The following PTPRN2 variants were observed in gnomAD, a reference collection of about 807,000 sequenced individuals.
PTPRN2 encodes the protein protein tyrosine phosphatase receptor type N2, also known as receptor-type tyrosine-protein phosphatase N2.
A neutral mutation model predicts 118.8 loss-of-function variants in PTPRN2; 74 were observed. The observed-to-expected ratio is 0.62, with a 90% CI of 0.52 to 0.76. The LOEUF (loss-of-function observed/expected upper bound fraction) is 0.76. Among genes scored for constraint, PTPRN2 ranks in the 30% least tolerant of loss-of-function variants. The probability of loss-of-function intolerance (pLI) is 0.00; values close to 1 mark genes in which losing one functional copy is unlikely to be tolerated. For missense variants in PTPRN2, 1,481 were observed against 1,394.4 expected (o/e 1.06, Z -0.99); for synonymous variants, 641 against 608.0 (o/e 1.05, Z -0.80).
intron 12 of PTPRN2, among the ~76,000 whole-genome samples, chr7:157,867,432 G>A (rs1350660846): frequency 1.8e-5 from 2 of 111,142 alleles, no homozygotes; most frequent in African/African-American, 3.7e-5. Flanking sequence ...CTGGATACAC[G>A]GCCACCACCC....
chr7:158,154,375 G>T (rs1821506595), intron 6 of PTPRN2, among the ~76,000 whole-genome samples: 1 of 152,200 alleles, frequency 6.6e-6, no homozygotes. Flanking sequence ...TATAGTAAGT[G>T]TGTTGTCTAC....
chr7:157,568,821 C>A lies in PTPRN2; in HGVS notation c.2902+81G>T, dbSNP rs564096944. 2.1e-6 allele frequency: 3 copies of A among 1,434,204 alleles called. No individual in the cohort carries two copies. The Admixed American group carries it at 5.1e-5, about 24-fold the overall frequency. 88.8% of individuals were successfully genotyped at this position (1,434,204 alleles called of 1,614,324 possible). A position where few individuals can be genotyped will look rare whatever the true frequency, so the allele number is the denominator to read the frequency against. On this transcript the variant is annotated intron_variant, in intron 21 of 22. Coordinates refer to ENST00000389418, the MANE Select transcript of PTPRN2 (RefSeq NM_002847.5). ...GCAGCGAATTTTTTCCAGGGCCTCC[C>A]GTGAACACGGCACCCTACGTTGCCA...
chr7:158,333,119 C>T (rs1359604567), intron 2 of PTPRN2, among the ~76,000 whole-genome samples: 2 of 115,564 alleles, frequency 1.7e-5, no homozygotes, highest in African/African-American at 8.2e-5. Flanking sequence ...GAAGTGACAC[C>T]TGCAGACATC....
intron 3 of PTPRN2, among the ~76,000 whole-genome samples, chr7:158,285,808 C>A (rs74566645): frequency 0.016 from 2,402 of 152,304 alleles, 63 homozygotes; most frequent in African/African-American, 0.055. Context: ...AGACAGGTGA[C>A]AACCCCATTC....
At chr7:157,693,050 AGAG>A (rs1225087300) in intron 12 of PTPRN2, among the ~76,000 whole-genome samples, 2 of 150,444 alleles carry the variant, frequency 1.3e-5, no homozygotes, top group Admixed American at 1.3e-4. Context: ...GGGCAGAGAC[AGAG>A]GAGGGGAGGG....
intron 12 of PTPRN2, among the ~76,000 whole-genome samples, chr7:157,855,460 T>A (rs1030675765): frequency 6.6e-6 from 1 of 152,162 alleles, no homozygotes. Flanking sequence ...AAACGCTGAG[T>A]GGTGCCGCTT....
rs1829065460 is a variant in PTPRN2 at position 158,587,702 on chromosome 7, G to A, written c.-33C>T. The A allele has an allele frequency of 2.5e-6, 3 of 1,177,816 alleles. No homozygotes were observed. Among genetic ancestry groups the A allele is most frequent in the Admixed American group, 4.6e-5 (1 of 21,642 alleles). The allele number at this position is 1,177,816 out of a possible 1,614,324, so 73.0% of individuals were successfully genotyped here. A position where few individuals can be genotyped will look rare whatever the true frequency, so the allele number is the denominator to read the frequency against. The stretch of plus-strand genomic sequence containing the variant: ...GCCTGGCCGGCGGCGCTCAGTCCAT[G>A]GCCGCGCGGGAGGCGGCGGGAGGCG... On this transcript the variant is annotated 5_prime_UTR_variant, in exon 1 of 23. Coordinates refer to ENST00000389418, the MANE Select transcript of PTPRN2 (RefSeq NM_002847.5).
intron 9 of PTPRN2, among the ~76,000 whole-genome samples, chr7:158,131,679 G>GAC (rs372268836): frequency 0.021 from 2,693 of 130,918 alleles, 68 homozygotes; most frequent in African/African-American, 0.067. Flanking sequence ...ACATCTACCC[G>GAC]ACACACACTC....
rs1369616198 is a variant in PTPRN2, at chr7:157,674,653, A to T, written c.2001+8072T>A. Among the ~76,000 whole-genome samples the T allele has an allele frequency of 1.3e-5, 2 of 152,230 alleles. 1 individual carries two copies. On this transcript the variant is annotated intron_variant, in intron 13 of 22. Coordinates refer to ENST00000389418, the MANE Select transcript of PTPRN2 (RefSeq NM_002847.5). The surrounding 1 kb of genome is among the most constrained non-coding windows in gnomAD (Gnocchi z 4.5). ...CAGAGGCGCATTCTCTCTCGTGCCC[A>T]TCAAGGCAGAGGCTGAGAAGAAGGT...
At chr7:157,959,659 G>A (rs1157123574) in intron 11 of PTPRN2, among the ~76,000 whole-genome samples, 2 of 152,154 alleles carry the variant, frequency 1.3e-5, no homozygotes, top group Non-Finnish European at 2.9e-5. Context: ...TCCTCAGGAC[G>A]GCCATCCTCA....
Position 158,138,518 on chromosome 7 carries a change from AG to A in PTPRN2, c.911-4del. ...CAGGAGGGTATGAATCCGTGCTCCT[AG>A]GGGCACACACACAAACACAAGGACG... is the stretch of plus-strand genomic sequence containing the variant. On this transcript the variant is annotated splice_polypyrimidine_tract_variant and splice_region_variant and intron_variant, in intron 6 of 22. Coordinates refer to ENST00000389418, the MANE Select transcript of PTPRN2 (RefSeq NM_002847.5). The A allele has an allele frequency of 6.2e-7, 1 of 1,609,504 alleles. No homozygotes were observed.
intron 12 of PTPRN2, among the ~76,000 whole-genome samples, chr7:157,848,090 T>C (rs552111658): frequency 6.2e-4 from 90 of 146,174 alleles, no homozygotes; most frequent in African/African-American, 2.1e-3. Context: ...GGGTGCCGTA[T>C]GTTTACAGAT....
At chr7:157,795,124 C>T (rs1046801921) in intron 12 of PTPRN2, among the ~76,000 whole-genome samples, 4 of 145,120 alleles carry the variant, frequency 2.8e-5, no homozygotes, top group African/African-American at 5.2e-5. Context: ...GCTCAAAGCC[C>T]CCTCACCTGT....
In PTPRN2 at chr7:158,565,025, AAAGTCATCCCAGCCATGCATGG is replaced by A. The variant is rs1195349596; in HGVS notation, c.112+22511_112+22532del. Among the ~76,000 whole-genome samples, 1 of 152,190 alleles carries A rather than the reference AAAGTCATCCCAGCCATGCATGG, an allele frequency of 6.6e-6. No homozygotes were observed. The highest frequency in any genetic ancestry group is 1.5e-5 in the Non-Finnish European group (1 of 68,034). On this transcript the variant is annotated intron_variant, in intron 1 of 22. Coordinates refer to ENST00000389418, the MANE Select transcript of PTPRN2 (RefSeq NM_002847.5). This position sits in a 1 kb window ranked among gnomAD's most constrained non-coding sequence, Gnocchi z 4.6. ...CGTAACGGCTTTACACAAACTCTAA[AAAGTCATCCCAGCCATGCATGG>A]ACCCAGGGATGCTGACACCATTCAG...
rs890152697 is a variant in PTPRN2 at position 157,657,998 on chromosome 7, C to G, written c.2002-1447G>C. Among the ~76,000 whole-genome samples, 13 of 151,712 alleles carry G rather than the reference C, an allele frequency of 8.6e-5. 1 individual carries two copies. Among genetic ancestry groups the G allele is most frequent in the Admixed American group, 8.5e-4 (13 of 15,240 alleles). On this transcript the variant is annotated intron_variant, in intron 13 of 22. Coordinates refer to ENST00000389418, the MANE Select transcript of PTPRN2 (RefSeq NM_002847.5). ...ACACCACACACACGTCACAGACACA[C>G]ACACCACACACACATACACACATCA...
In PTPRN2 at chr7:158,065,976, G is replaced by T. The variant is rs139257169; in HGVS notation, c.1723+15322C>A. ...ATGCAAAGAGTTTCGTTCAGGGAAA[G>T]ATCCTGCCCTGGCTCTCTAACCTCA... On this transcript the variant is annotated intron_variant, in intron 11 of 22. Coordinates refer to ENST00000389418, the MANE Select transcript of PTPRN2 (RefSeq NM_002847.5). Among the ~76,000 whole-genome samples the T allele has an allele frequency of 1.6e-4, 25 of 152,350 alleles. No homozygotes were observed. In the East Asian group the frequency reaches 4.2e-3, roughly 26 times the overall value.
intron 12 of PTPRN2, among the ~76,000 whole-genome samples, chr7:157,827,393 C>CACAACACAACACAACACA (rs1554461372): frequency 6.6e-6 from 1 of 151,904 alleles, no homozygotes; most frequent in East Asian, 1.9e-4. Flanking sequence ...CACAACACAA[C>CACAACACAACACAACACA]ACAACACAAC....
intron 12 of PTPRN2, among the ~76,000 whole-genome samples, chr7:157,684,685 G>T (rs910460376): frequency 2.0e-5 from 3 of 151,606 alleles, no homozygotes; most frequent in Middle Eastern, 3.2e-3. Context: ...AGTCCGCCGG[G>T]GTCCGCCCAC....
chr7:158,054,731 G>A (rs1029533614), intron 11 of PTPRN2, among the ~76,000 whole-genome samples: 5 of 152,198 alleles, frequency 3.3e-5, no homozygotes, highest in African/African-American at 1.2e-4. Flanking sequence ...CCCAAACCAA[G>A]TCCTGCCCAT....
Sources: allele counts gnomAD v4.1 joint callset (sites outside exome capture counted in the v4.1 genomes callset), GRCh38; gene constraint gnomAD v4.1.1; non-coding constraint Gnocchi (gnomAD v3.1); transcripts MANE v1.5; gene names NCBI Gene and HGNC (gene_info 2026-07-23, HGNC 2026-07-21).